Variants in ATP6V0E1 observed in about 807,000 individuals in gnomAD.
ATP6V0E1 encodes the protein V-type proton ATPase subunit e 1.
ATP6V0E1 carries 4 observed loss-of-function variants against 11.6 expected under a neutral mutation model. The observed-to-expected ratio is 0.35, with a 90% CI of 0.17 to 0.79. The LOEUF is 0.79. Among genes scored for constraint, ATP6V0E1 ranks in the 30% least tolerant of loss-of-function variants. The pLI, the probability that ATP6V0E1 is intolerant of heterozygous loss-of-function variation, is 0.54. For synonymous variants in ATP6V0E1, 36 were observed against 34.8 expected, an observed-to-expected ratio of 1.04 and a Z score of -0.13; for missense variants, 105 against 100.0, an observed-to-expected ratio of 1.05 and a Z score of -0.21.
chr5:173,004,149 G>C (rs1418577646), intron 2 of ATP6V0E1, among the ~76,000 whole-genome samples: 2 of 149,632 alleles, frequency 1.3e-5, no homozygotes, highest in African/African-American at 4.9e-5. Flanking sequence ...AGTCAGAAAA[G>C]GGCAACCTTG....
chr5:173,002,303 C>G (rs1756170407), intron 2 of ATP6V0E1, among the ~76,000 whole-genome samples: 1 of 152,216 alleles, frequency 6.6e-6, no homozygotes, highest in Non-Finnish European at 1.5e-5. Flanking sequence ...TATTTTACAG[C>G]TTGCTGGAAT....
At chr5:173,020,022 C>T (rs987062058) in intron 2 of ATP6V0E1, among the ~76,000 whole-genome samples, 1 of 152,154 alleles carries the variant, frequency 6.6e-6, no homozygotes, top group African/African-American at 2.4e-5. Context: ...GACAAAGCCT[C>T]ACTGCTTTGT....
At chr5:173,023,392 C>T (rs976355964) in intron 3 of ATP6V0E1, among the ~76,000 whole-genome samples, 1 of 152,180 alleles carries the variant, frequency 6.6e-6, no homozygotes, top group Admixed American at 6.5e-5. Context: ...GATGGGTTTT[C>T]ACCATGTTGG....
intron 2 of ATP6V0E1, among the ~76,000 whole-genome samples, chr5:173,003,684 G>T (rs774473765): frequency 2.0e-5 from 3 of 152,206 alleles, no homozygotes; most frequent in Non-Finnish European, 4.4e-5. Context: ...TGATGGATTA[G>T]ATGTAGGAAG....
intron 2 of ATP6V0E1, among the ~76,000 whole-genome samples, chr5:173,008,910 C>CAAA (rs1164495740): frequency 9.7e-5 from 4 of 41,336 alleles, no homozygotes; most frequent in Non-Finnish European, 1.8e-4. Context: ...GACTCTGTCT[C>CAAA]AAAAAAAAAA....
chr5:173,034,978 A>G lies in ATP6V0E1; in HGVS notation c.*616A>G, dbSNP rs1004837566. 2.0e-5 allele frequency: 3 copies of G among 153,546 alleles called. No homozygotes were observed. Among genetic ancestry groups the G allele is most frequent in the African/African-American group, 7.2e-5 (3 of 41,438 alleles). 9.5% of individuals were successfully genotyped at this position (153,546 alleles called of 1,614,324 possible). A position where few individuals can be genotyped will look rare whatever the true frequency, so the allele number is the denominator to read the frequency against. On this transcript the variant is annotated 3_prime_UTR_variant, in exon 4 of 4. Coordinates refer to ENST00000519374, the MANE Select transcript of ATP6V0E1 (RefSeq NM_003945.4). ...TTTTAAAAAATGATTTTGTAGTCTA[A>G]ACTTAGGTTGAGTATATAAACCCTG...
intron 2 of ATP6V0E1, among the ~76,000 whole-genome samples, chr5:173,010,075 T>C (rs1415565153): frequency 6.6e-6 from 1 of 152,184 alleles, no homozygotes; most frequent in East Asian, 1.9e-4. Context: ...ATAGCCACTT[T>C]GTTAAAGCCA....
chr5:173,022,325 A>G (rs963772047), intron 3 of ATP6V0E1, among the ~76,000 whole-genome samples: 2 of 152,160 alleles, frequency 1.3e-5, no homozygotes, highest in Non-Finnish European at 2.9e-5. Context: ...AGTAAGGCTG[A>G]TGTGATCACT....
Position 173,011,549 on chromosome 5 carries a change from C to T in ATP6V0E1, c.153-8689C>T, listed in dbSNP as rs561540159. 1.1e-4 allele frequency among the ~76,000 whole-genome samples: 16 copies of T among 152,150 alleles called. No homozygotes were observed. In the South Asian group the frequency reaches 1.5e-3, roughly 14 times the overall value. ...TGGGACTCAGGAGTCCTGGATTCCC[C>T]GCTTCCAGCTTCCCCCTTCACTAAT... is the stretch of plus-strand genomic sequence containing the variant. On this transcript the variant is annotated intron_variant, in intron 2 of 3. Transcript: ENST00000519374.
At chr5:172,996,288 G>C (rs1045376466) in intron 2 of ATP6V0E1, among the ~76,000 whole-genome samples, 1 of 152,046 alleles carries the variant, frequency 6.6e-6, no homozygotes, top group Admixed American at 6.6e-5. Flanking sequence ...GGCCAGGATC[G>C]GTGGCTCATG....
intron 2 of ATP6V0E1, among the ~76,000 whole-genome samples, chr5:173,008,718 G>A (rs562415207): frequency 2.0e-4 from 30 of 149,190 alleles, no homozygotes; most frequent in Middle Eastern, 3.4e-3. Context: ...GACCATCCTG[G>A]CTAATGCGGT....
chr5:172,991,860 C>G (rs575875654), intron 1 of ATP6V0E1, among the ~76,000 whole-genome samples: 3 of 152,172 alleles, frequency 2.0e-5, no homozygotes, highest in African/African-American at 4.8e-5. Flanking sequence ...CTTTTTGCCC[C>G]GCTTCCCCCA....
intron 1 of ATP6V0E1, among the ~76,000 whole-genome samples, chr5:172,987,684 A>G (rs1755917321): frequency 6.6e-6 from 1 of 151,952 alleles, no homozygotes; most frequent in Admixed American, 6.6e-5. Context: ...AAAACAAATC[A>G]AAACACACAC....
chr5:172,987,882 C>T (rs6878173), intron 1 of ATP6V0E1, among the ~76,000 whole-genome samples: 50,098 of 151,512 alleles, frequency 0.33, 9,776 homozygotes, highest in East Asian at 0.76. Flanking sequence ...CCAGCTAATT[C>T]GTTGTTGTTG....
At position 173,034,577 on chromosome 5, in the gene ATP6V0E1, C is replaced by T. The variant is rs927365594; in HGVS notation, c.*215C>T. On this transcript the variant is annotated 3_prime_UTR_variant, in exon 4 of 4. Transcript: ENST00000519374. ...TGCACTTTGGTGAATTACGTGCCTC[C>T]ATAACCTGAACTGTGCCGACTCCAC... 37 of 658,170 alleles carry T rather than the reference C, an allele frequency of 5.6e-5. No individual in the cohort carries two copies. The South Asian group carries it at 5.7e-4, about 10-fold the overall frequency. 40.8% of individuals were successfully genotyped at this position (658,170 alleles called of 1,614,324 possible). A position where few individuals can be genotyped will look rare whatever the true frequency, so the allele number is the denominator to read the frequency against.
intron 1 of ATP6V0E1, among the ~76,000 whole-genome samples, chr5:172,991,450 A>C (rs899931779): frequency 6.6e-6 from 1 of 152,200 alleles, no homozygotes; most frequent in Middle Eastern, 3.2e-3. Context: ...AGAAGAGAGA[A>C]GACAGGGAAG....
At chr5:172,984,454 C>A (rs1377482921) in intron 1 of ATP6V0E1, among the ~76,000 whole-genome samples, 2 of 152,188 alleles carry the variant, frequency 1.3e-5, no homozygotes, top group Non-Finnish European at 2.9e-5. Flanking sequence ...CCAGGCCTTG[C>A]ATCTAGTGGG....
intron 3 of ATP6V0E1, among the ~76,000 whole-genome samples, chr5:173,024,831 A>C (rs976334296): frequency 1.5e-4 from 22 of 146,786 alleles, no homozygotes; most frequent in Admixed American, 2.7e-4. Context: ...ATTTTATTTT[A>C]TTTTTTTCTT....
chr5:173,023,480 G>A (rs950725784), intron 3 of ATP6V0E1, among the ~76,000 whole-genome samples: 2 of 152,246 alleles, frequency 1.3e-5, no homozygotes, highest in African/African-American at 2.4e-5. Context: ...ATAGGCGTAA[G>A]CCACCATTCC....
Sources: allele counts gnomAD v4.1 joint callset (sites outside exome capture counted in the v4.1 genomes callset), GRCh38; gene constraint gnomAD v4.1.1; transcripts MANE v1.5; gene names NCBI Gene and HGNC (gene_info 2026-07-23, HGNC 2026-07-21).